The following ZNF267 variants were observed in gnomAD, a reference collection of about 807,000 sequenced individuals.
ZNF267 encodes the protein zinc finger (C2H2).
Under a neutral mutation model 71.6 loss-of-function variants are expected in ZNF267, and 61 were observed. The ratio of observed to expected loss-of-function variants is 0.85; its 90% CI spans 0.69 to 1.05. The LOEUF is 1.05. Among genes scored for constraint, ZNF267 ranks in the 50% least tolerant of loss-of-function variants. The probability of loss-of-function intolerance (pLI) is 0.00; values close to 1 mark genes in which losing one functional copy is unlikely to be tolerated. For synonymous variants in ZNF267, 288 were observed against 293.2 expected, an observed-to-expected ratio of 0.98 and a Z score of 0.18; for missense variants, 852 against 870.0, an observed-to-expected ratio of 0.98 and a Z score of 0.26.
chr16:31,880,590 A>T (rs1348628012), intron 1 of ZNF267, among the ~76,000 whole-genome samples: 2 of 151,932 alleles, frequency 1.3e-5, no homozygotes, highest in Non-Finnish European at 2.9e-5. Context: ...GTTACCAGGG[A>T]CTCTCTTACC....
At chr16:31,890,164 T>TA (rs1267252604) in intron 3 of ZNF267, 2 of 152,204 alleles carry the variant, frequency 1.3e-5, no homozygotes, top group African/African-American at 2.4e-5. Context: ...TCTTTTTTTT[T>TA]ATTAGTTTTC....
At position 31,905,454 on chromosome 16, in the gene ZNF267, A is replaced by G. The variant is rs1268431568; in HGVS notation, c.227-9022A>G. Among the ~76,000 whole-genome samples, 6 of 152,112 alleles carry G rather than the reference A, an allele frequency of 3.9e-5. No individual in the cohort carries two copies. In the East Asian group the frequency reaches 9.7e-4, roughly 24 times the overall value. ...GACGTAGATTTGGTCTTTTCACATA[A>G]TCCCATATTTCTTGGAGGCTTTGTT... is the stretch of plus-strand genomic sequence containing the variant. On this transcript the variant is annotated intron_variant, in intron 3 of 3. Coordinates refer to ENST00000300870, the MANE Select transcript of ZNF267 (RefSeq NM_003414.6).
chr16:31,885,098 TATAAAA>T (rs2083914785), intron 2 of ZNF267, 57 bp from the exon 3 acceptor site: 6 of 1,388,620 alleles, frequency 4.3e-6, no homozygotes, highest in Middle Eastern at 2.3e-4. Flanking sequence ...CAAAAAAAAG[TATAAAA>T]ATAAAAAATA....
intron 3 of ZNF267, chr16:31,912,928 T>TC (rs2084146110): frequency 6.6e-6 from 1 of 152,204 alleles, no homozygotes; most frequent in African/African-American, 2.4e-5. Context: ...TATCTTGAAT[T>TC]TGTTTCCTCA....
intron 1 of ZNF267, among the ~76,000 whole-genome samples, chr16:31,879,362 C>T (rs2083874617): frequency 6.6e-6 from 1 of 152,234 alleles, no homozygotes; most frequent in African/African-American, 2.4e-5. Context: ...TTTTTCTAAT[C>T]TCTTAGCAGG....
intron 3 of ZNF267, among the ~76,000 whole-genome samples, chr16:31,906,461 C>G (rs1046203913): frequency 3.3e-5 from 5 of 152,206 alleles, no homozygotes; most frequent in African/African-American, 1.2e-4. Flanking sequence ...TTTACCTACT[C>G]AAGCCTGGGC....
intron 3 of ZNF267, among the ~76,000 whole-genome samples, chr16:31,911,099 T>G (rs1316962452): frequency 3.3e-5 from 5 of 151,696 alleles, no homozygotes; most frequent in African/African-American, 1.2e-4. Context: ...TTTTGTAACC[T>G]AAAATGTTGT....
chr16:31,889,876 C>A (rs1472603632), intron 3 of ZNF267, among the ~76,000 whole-genome samples: 1 of 152,204 alleles, frequency 6.6e-6, no homozygotes, highest in Non-Finnish European at 1.5e-5. Flanking sequence ...TACTTTTCAA[C>A]ATGAGTTTTG....
Position 31,915,832 on chromosome 16 carries a change from C to CT in ZNF267, c.1587dup (p.Thr530TyrfsTer10), listed in dbSNP as rs1171762401. ...TACAAATGCAAAGTATGTGCTAAAC[C>CT]TTTTACTTGTTTCTCAAATCTTATT... On this transcript the variant is annotated frameshift_variant, in exon 4 of 4. Transcript: ENST00000300870. LOFTEE classifies it high-confidence loss of function. The CT allele has an allele frequency of 6.2e-7, 1 of 1,613,480 alleles. No homozygotes were observed. Among genetic ancestry groups the CT allele is most frequent in the Admixed American group, 1.7e-5 (1 of 60,022 alleles).
intron 3 of ZNF267, among the ~76,000 whole-genome samples, chr16:31,904,268 T>C (rs1402614928): frequency 1.3e-5 from 2 of 152,188 alleles, no homozygotes; most frequent in African/African-American, 2.4e-5. Flanking sequence ...ATTCTGTTGA[T>C]TTGGGGTGGA....
chr16:31,873,894 C>T lies in ZNF267; in HGVS notation c.-73C>T. 2 of 1,605,098 alleles carry T rather than the reference C, an allele frequency of 1.2e-6. No homozygotes were observed. The highest frequency in any genetic ancestry group is 1.3e-5 in the African/African-American group (1 of 74,810). On this transcript the variant is annotated 5_prime_UTR_variant, in exon 1 of 4. Transcript: ENST00000300870. ...TTCGCGTTCTGAGAATAAACAGAAC[C>T]TCTGTTGCTCTGCGACTTGCAGGCA...
At chr16:31,898,711 T>C (rs1414880605) in intron 3 of ZNF267, among the ~76,000 whole-genome samples, 2 of 152,132 alleles carry the variant, frequency 1.3e-5, no homozygotes, top group African/African-American at 4.8e-5. Flanking sequence ...CCTGCCTCTC[T>C]ATGTCCCCTT....
At chr16:31,891,387 GTA>G (rs1285533143) in intron 3 of ZNF267, among the ~76,000 whole-genome samples, 1 of 152,120 alleles carries the variant, frequency 6.6e-6, no homozygotes, top group Non-Finnish European at 1.5e-5. Flanking sequence ...TGGTATTAGT[GTA>G]TTCTGAATTT....
Position 31,914,534 on chromosome 16 carries a change from C to G in ZNF267, c.285C>G (p.Phe95Leu). Residue 95 changes from phenylalanine (F) to leucine (L), a missense_variant, in exon 4 of 4, where the codon TTC (phenylalanine) becomes TTG (leucine). By Grantham distance (22) the Phe-to-Leu change is conservative. Transcript: ENST00000300870. The part of the protein sequence containing the change: ...LLTEHCTEAS[F>L]QKVISRRHGS... ...CAGAGCACTGCACAGAAGCTTCATT[C>G]CAAAAAGTGATATCGAGGAGACATG... 1 of 1,613,806 alleles carries G rather than the reference C, an allele frequency of 6.2e-7. No individual in the cohort carries two copies. The highest frequency in any genetic ancestry group is 8.5e-7 in the Non-Finnish European group (1 of 1,179,924).
intron 3 of ZNF267, among the ~76,000 whole-genome samples, chr16:31,889,938 A>G (rs1567474167): frequency 6.6e-6 from 1 of 152,192 alleles, no homozygotes; most frequent in Non-Finnish European, 1.5e-5. Context: ...TGAGCTTTCT[A>G]GTTTTCCTCC....
chr16:31,903,181 C>G (rs865982670), intron 3 of ZNF267, among the ~76,000 whole-genome samples: 1 of 152,080 alleles, frequency 6.6e-6, no homozygotes. Context: ...TTGCTGGATT[C>G]GGTTTACCAG....
chr16:31,901,893 A>G (rs367610071), intron 3 of ZNF267, among the ~76,000 whole-genome samples: 17 of 152,156 alleles, frequency 1.1e-4, no homozygotes, highest in South Asian at 4.2e-4. Flanking sequence ...GAATGGTATT[A>G]CCTAGGTTTT....
intron 3 of ZNF267, among the ~76,000 whole-genome samples, chr16:31,909,350 C>T (rs868804800): frequency 5.9e-5 from 9 of 151,922 alleles, no homozygotes; most frequent in Non-Finnish European, 1.2e-4. Flanking sequence ...CTATGCTGGT[C>T]TCAAACTCCT....
chr16:31,883,399 G>GT (rs1292684646), intron 1 of ZNF267, among the ~76,000 whole-genome samples: 1 of 152,056 alleles, frequency 6.6e-6, no homozygotes, highest in African/African-American at 2.4e-5. Context: ...TGTGTATATA[G>GT]TTACCATTAT....
Sources: allele counts gnomAD v4.1 joint callset (sites outside exome capture counted in the v4.1 genomes callset), GRCh38; gene constraint gnomAD v4.1.1; transcripts MANE v1.5; gene names NCBI Gene and HGNC (gene_info 2026-07-23, HGNC 2026-07-21).